Variants in UPK1B observed in about 807,000 individuals in gnomAD.
UPK1B encodes the protein uroplakin-1b.
Under a neutral mutation model 34.2 loss-of-function variants are expected in UPK1B, and 28 were observed. The ratio of observed to expected loss-of-function variants is 0.82; its 90% confidence interval spans 0.61 to 1.12. UPK1B has a LOEUF of 1.12. UPK1B is among the 50% of genes most tolerant of loss of function. UPK1B has a pLI of 0.00. For missense variants in UPK1B, 325 were observed against 320.9 expected, an observed-to-expected ratio of 1.01 and a Z score of -0.10; for synonymous variants, 81 against 110.4, an observed-to-expected ratio of 0.73 and a Z score of 1.67.
chr3:119,174,256 G>A (rs917553772), intron 1 of UPK1B, among the ~76,000 whole-genome samples: 4 of 152,132 alleles, frequency 2.6e-5, no homozygotes, highest in African/African-American at 9.7e-5. Flanking sequence ...TCTACGCAAT[G>A]TTATTTTTAC....
chr3:119,182,859 AGAATTCTGGTCTTG>A (rs2077995423), intron 1 of UPK1B, among the ~76,000 whole-genome samples: 1 of 152,210 alleles, frequency 6.6e-6, no homozygotes, highest in Non-Finnish European at 1.5e-5. Context: ...TTTACTTCTA[AGAATTCTGGTCTTG>A]GGGGTAGGTG....
Position 119,175,997 on chromosome 3 carries a change from G to A in UPK1B, c.-29+2359G>A, listed in dbSNP as rs531437213. 2.0e-5 allele frequency: 3 copies of A among 152,290 alleles called. No homozygotes were observed. In the South Asian group the frequency reaches 6.2e-4, roughly 32 times the overall value. 9.4% of individuals were successfully genotyped at this position (152,290 alleles called of 1,614,324 possible). ...AAACCTCCTCTTTTTGTTATTTCCA[G>A]GGACTTATCCTACCTTAAGTTGAAG... On this transcript the variant is annotated intron_variant, in intron 1 of 7. Transcript: ENST00000264234.
chr3:119,196,528 T>C (rs947344583), intron 6 of UPK1B, among the ~76,000 whole-genome samples: 2 of 137,818 alleles, frequency 1.5e-5, no homozygotes, highest in Non-Finnish European at 3.0e-5. Context: ...GAATGGTTTT[T>C]CTTTTTCTTT....
At chr3:119,199,876 C>T (rs1364832066) in intron 7 of UPK1B, among the ~76,000 whole-genome samples, 1 of 151,944 alleles carries the variant, frequency 6.6e-6, no homozygotes, top group Non-Finnish European at 1.5e-5. Context: ...CTCTATGTGG[C>T]CTATATCTAT....
At position 119,204,829 on chromosome 3, in the gene UPK1B, G is replaced by C. The variant is rs934067919; in HGVS notation, c.*862G>C. The C allele has an allele frequency of 6.6e-6, 1 of 152,238 alleles. No individual in the cohort carries two copies. Among genetic ancestry groups the C allele is most frequent in the Non-Finnish European group, 1.5e-5 (1 of 68,086 alleles). 9.4% of individuals were successfully genotyped at this position (152,238 alleles called of 1,614,324 possible). The stretch of plus-strand genomic sequence containing the variant: ...ACAGAGGTTGCAGTGAGCTGAGATC[G>C]TACCTATTGCACTCCATCCTGGATG... On this transcript the variant is annotated 3_prime_UTR_variant, in exon 8 of 8. Transcript: ENST00000264234.
chr3:119,179,400 A>ATATATATAT (rs71297416), intron 1 of UPK1B, among the ~76,000 whole-genome samples: 3 of 20,072 alleles, frequency 1.5e-4, no homozygotes, highest in Non-Finnish European at 4.4e-4. Context: ...TATATATATT[A>ATATATATAT]ATTCTAAGGA....
chr3:119,204,824 A>C lies in UPK1B; in HGVS notation c.*857A>C, dbSNP rs1310718826. The C allele has an allele frequency of 1.3e-5, 2 of 152,294 alleles. No individual in the cohort carries two copies. Among genetic ancestry groups the C allele is most frequent in the Non-Finnish European group, 2.9e-5 (2 of 68,090 alleles). The allele number at this position is 152,294 out of a possible 1,614,324, so 9.4% of individuals were successfully genotyped here. A position where few individuals can be genotyped will look rare whatever the true frequency, so the allele number is the denominator to read the frequency against. On this transcript the variant is annotated 3_prime_UTR_variant, in exon 8 of 8. Transcript: ENST00000264234. ...GGGAGACAGAGGTTGCAGTGAGCTG[A>C]GATCGTACCTATTGCACTCCATCCT...
intron 2 of UPK1B, among the ~76,000 whole-genome samples, chr3:119,187,494 T>C (rs1373001745): frequency 6.6e-6 from 1 of 152,192 alleles, no homozygotes; most frequent in African/African-American, 2.4e-5. Context: ...ATCATTCTCA[T>C]ACCAGAAAGC....
intron 1 of UPK1B, among the ~76,000 whole-genome samples, chr3:119,177,008 T>C (rs561783701): frequency 2.0e-5 from 3 of 152,332 alleles, no homozygotes; most frequent in Admixed American, 6.5e-5. Context: ...TCATGGTGTC[T>C]TCCCTCGCCC....
At chr3:119,180,565 G>T (rs149734066) in intron 1 of UPK1B, among the ~76,000 whole-genome samples, 1 of 152,216 alleles carries the variant, frequency 6.6e-6, no homozygotes, top group African/African-American at 2.4e-5. Context: ...AAGCCCTAGA[G>T]AACACCACAG....
chr3:119,185,964 C>G (rs1039869962), intron 1 of UPK1B, among the ~76,000 whole-genome samples: 1 of 152,142 alleles, frequency 6.6e-6, no homozygotes, highest in African/African-American at 2.4e-5. Flanking sequence ...TCACACACAC[C>G]AAGGTCTCTA....
At chr3:119,193,323 A>T (rs1169545257) in intron 5 of UPK1B, among the ~76,000 whole-genome samples, 1 of 152,260 alleles carries the variant, frequency 6.6e-6, no homozygotes, top group African/African-American at 2.4e-5. Context: ...TAACATAGTG[A>T]CAAAATTGTA....
chr3:119,192,634 C>A (rs577928114), intron 5 of UPK1B, among the ~76,000 whole-genome samples: 1 of 152,110 alleles, frequency 6.6e-6, no homozygotes, highest in East Asian at 1.9e-4. Flanking sequence ...AGACAAGAAC[C>A]ACCTCATCTT....
chr3:119,190,337 A>T lies in UPK1B; in HGVS notation c.345+18A>T, dbSNP rs148991062. 133 of 1,581,242 alleles carry T rather than the reference A, an allele frequency of 8.4e-5. No homozygotes were observed. The East Asian group carries it at 3.0e-3, about 35-fold the overall frequency. On this transcript the variant is annotated intron_variant, in intron 4 of 7. Transcript: ENST00000264234. ...AAGACTTTGTGAGTACAACCTCAAA[A>T]AGCAAAATAATATGAATTATCATTA...
At chr3:119,188,091 G>T (rs1233154886) in intron 3 of UPK1B, 116 bp downstream of exon 3, 10 of 1,088,452 alleles carry the variant, frequency 9.2e-6, no homozygotes, top group African/African-American at 3.1e-5. Flanking sequence ...CCAGATAAGG[G>T]GTGAGGAGGG....
intron 6 of UPK1B, among the ~76,000 whole-genome samples, chr3:119,197,455 A>C (rs1409225483): frequency 2.0e-5 from 3 of 152,182 alleles, no homozygotes; most frequent in African/African-American, 7.2e-5. Context: ...CACCTGGCAT[A>C]AGTGGGCCCT....
chr3:119,197,944 A>C (rs1157428163), intron 6 of UPK1B, among the ~76,000 whole-genome samples: 2 of 152,280 alleles, frequency 1.3e-5, no homozygotes, highest in Admixed American at 1.3e-4. Context: ...ACAAGAAAGG[A>C]GTTGTGAGTG....
intron 1 of UPK1B, among the ~76,000 whole-genome samples, chr3:119,179,610 C>T (rs1266796215): frequency 6.9e-6 from 1 of 144,720 alleles, no homozygotes; most frequent in Non-Finnish European, 1.5e-5. Context: ...CCCGGGTTCA[C>T]GCCATTCTCC....
At chr3:119,198,451 C>A in intron 6 of UPK1B, among the ~76,000 whole-genome samples, 1 of 152,190 alleles carries the variant, frequency 6.6e-6, no homozygotes, top group East Asian at 1.9e-4. Flanking sequence ...TGGATTGTGG[C>A]ATGCATGAAT....
Sources: allele counts gnomAD v4.1 joint callset (sites outside exome capture counted in the v4.1 genomes callset), GRCh38; gene constraint gnomAD v4.1.1; transcripts MANE v1.5; gene names NCBI Gene and HGNC (gene_info 2026-07-23, HGNC 2026-07-21).